The following EXOC4 variants were observed in gnomAD, a reference collection of about 807,000 sequenced individuals.
EXOC4 encodes exocyst complex component 4, also known as SEC8-like 1.
Under a neutral mutation model 107.2 loss-of-function variants are expected in EXOC4, and 71 were observed. That is an observed-to-expected ratio of 0.66 (90% confidence interval 0.55 to 0.81). The LOEUF is 0.81. Among genes scored for constraint, EXOC4 ranks in the 30% least tolerant of loss-of-function variants. EXOC4 has a pLI of 0.00. For missense variants in EXOC4, 1,108 were observed against 1,189.6 expected (o/e 0.93, Z 1.01); for synonymous variants, 456 against 441.2 (o/e 1.03, Z -0.42).
intron 7 of EXOC4, among the ~76,000 whole-genome samples, chr7:133,463,788 C>T (rs1394590546): frequency 2.0e-5 from 3 of 151,820 alleles, no homozygotes. Context: ...TATTGTAGCG[C>T]AAAGGGGAAG....
Position 133,305,772 on chromosome 7 carries a change from C to T in EXOC4, c.472-105C>T, listed in dbSNP as rs1037292505. 10 of 849,604 alleles carry T rather than the reference C, an allele frequency of 1.2e-5. No individual in the cohort carries two copies. The African/African-American group carries it at 2.0e-4, about 17-fold the overall frequency. The allele number at this position is 849,604 out of a possible 1,614,324, so 52.6% of individuals were successfully genotyped here. A position where few individuals can be genotyped will look rare whatever the true frequency, so the allele number is the denominator to read the frequency against. On this transcript the variant is annotated intron_variant, in intron 3 of 17. Coordinates refer to ENST00000253861, the MANE Select transcript of EXOC4 (RefSeq NM_021807.4). ...GTCTTTTATATGCTGATAAAGTTCT[C>T]GTAAGCTCCCTTTGTTAGTATCTTT...
At chr7:133,884,934 A>G (rs1190464026) in intron 11 of EXOC4, among the ~76,000 whole-genome samples, 3 of 152,162 alleles carry the variant, frequency 2.0e-5, no homozygotes, top group Non-Finnish European at 2.9e-5. Flanking sequence ...AAATAATACA[A>G]TCAGGTGAAG....
At chr7:133,851,637 A>G (rs1262409489) in intron 11 of EXOC4, among the ~76,000 whole-genome samples, 1 of 152,164 alleles carries the variant, frequency 6.6e-6, no homozygotes, top group Non-Finnish European at 1.5e-5. Context: ...TCTATGGTGA[A>G]CATGAGTCTT....
At chr7:133,592,603 C>G (rs536684419) in intron 9 of EXOC4, among the ~76,000 whole-genome samples, 1 of 151,860 alleles carries the variant, frequency 6.6e-6, no homozygotes, top group African/African-American at 2.4e-5. Context: ...CCACCATACC[C>G]GGCTATTTTT....
chr7:133,579,893 G>A (rs537489815), intron 9 of EXOC4, among the ~76,000 whole-genome samples: 2 of 111,468 alleles, frequency 1.8e-5, no homozygotes, highest in Admixed American at 9.0e-5. Flanking sequence ...TCACCATGTT[G>A]GCCAGGATGG....
chr7:133,664,098 A>G (rs1205277434), intron 10 of EXOC4, among the ~76,000 whole-genome samples: 6 of 151,972 alleles, frequency 3.9e-5, no homozygotes, highest in African/African-American at 1.5e-4. Context: ...CTCCCTTAAT[A>G]CCTTTACGGC....
At chr7:133,340,705 CTTGTTATTGGT>C (rs1412591074) in intron 5 of EXOC4, among the ~76,000 whole-genome samples, 2 of 151,876 alleles carry the variant, frequency 1.3e-5, no homozygotes, top group Admixed American at 6.6e-5. Flanking sequence ...AGTCTCACTG[CTTGTTATTGGT>C]TTGTTGTGAG....
chr7:133,869,557 G>T (rs1027245466), intron 11 of EXOC4, among the ~76,000 whole-genome samples: 13 of 152,148 alleles, frequency 8.5e-5, no homozygotes, highest in African/African-American at 1.4e-4. Context: ...TGCATTCCTT[G>T]TAGTAGGTGC....
At chr7:134,036,061 A>T (rs1456429499) in intron 17 of EXOC4, among the ~76,000 whole-genome samples, 1 of 152,212 alleles carries the variant, frequency 6.6e-6, no homozygotes, top group Non-Finnish European at 1.5e-5. Flanking sequence ...TCTCAGCATG[A>T]ACCTAAGACT....
In EXOC4 at chr7:133,921,879, T is replaced by C. The variant is rs559887186; in HGVS notation, c.2027+4141T>C. ...TCTTGGATTGTATGTTTTTTAACTA[T>C]CTCAGAGTTCTTAGATATTCTGTTG... On this transcript the variant is annotated intron_variant, in intron 13 of 17. Transcript: ENST00000253861. Among the ~76,000 whole-genome samples the C allele has an allele frequency of 2.0e-5, 3 of 152,314 alleles. No individual in the cohort carries two copies. In the East Asian group the frequency reaches 5.8e-4, roughly 29 times the overall value.
chr7:133,835,445 T>C (rs1797898859), intron 11 of EXOC4, among the ~76,000 whole-genome samples: 2 of 152,174 alleles, frequency 1.3e-5, no homozygotes, highest in African/African-American at 4.8e-5. Flanking sequence ...GGGCTTTGTG[T>C]TCATAGGTAG....
At chr7:133,537,612 C>G (rs1800298530) in intron 9 of EXOC4, among the ~76,000 whole-genome samples, 1 of 152,148 alleles carries the variant, frequency 6.6e-6, no homozygotes, top group African/African-American at 2.4e-5. Context: ...TTGTTTTCTC[C>G]TGAACTACCC....
chr7:133,930,664 T>C (rs1315573803), intron 13 of EXOC4: 1 of 152,082 alleles, frequency 6.6e-6, no homozygotes, highest in Non-Finnish European at 1.5e-5. Context: ...ACTCCCCGTG[T>C]ATCCCCTCCT....
chr7:134,037,630 C>A (rs1009106132), intron 17 of EXOC4, among the ~76,000 whole-genome samples: 1 of 152,206 alleles, frequency 6.6e-6, no homozygotes, highest in East Asian at 1.9e-4. Context: ...TAAACATGAA[C>A]GTGAACATTT....
Position 133,374,889 on chromosome 7 carries a change from T to A in EXOC4, c.1069T>A (p.Ser357Thr). Residue 357 changes from serine to threonine, a missense_variant, in exon 7 of 18, where the codon TCT (serine) becomes ACT (threonine). Ser to Thr is a moderately conservative substitution (Grantham distance 58). Transcript: ENST00000253861. Reference sequence around the variant, plus strand: ...GTTTAATGCTGTAGCCGCTGCACACTCTGTGGTCCTGGGATACCTGCAGGA... The same window carrying A: ...GTTTAATGCTGTAGCCGCTGCACACACTGTGGTCCTGGGATACCTGCAGGA... Reference protein sequence around the residue: ...DKFNAVAAAHSVVLGYLQDTV... With the variant: ...DKFNAVAAAHTVVLGYLQDTV... 1 of 1,614,056 alleles carries A rather than the reference T, an allele frequency of 6.2e-7. No individual in the cohort carries two copies. The highest frequency in any genetic ancestry group is 8.5e-7 in the Non-Finnish European group (1 of 1,179,940).
At chr7:133,308,595 A>C (rs534273325) in intron 4 of EXOC4, among the ~76,000 whole-genome samples, 1 of 152,256 alleles carries the variant, frequency 6.6e-6, no homozygotes, top group Non-Finnish European at 1.5e-5. Flanking sequence ...TGGCAGTGGG[A>C]GGGAACTCAG....
intron 17 of EXOC4, among the ~76,000 whole-genome samples, chr7:134,021,722 GAAA>G (rs60762484): frequency 1.3e-4 from 7 of 53,746 alleles, no homozygotes; most frequent in African/African-American, 5.0e-4. Context: ...AGTCAAACCA[GAAA>G]AAAAAAAAAA....
At chr7:134,052,256 T>C (rs1016429559) in intron 17 of EXOC4, among the ~76,000 whole-genome samples, 2 of 152,168 alleles carry the variant, frequency 1.3e-5, no homozygotes, top group African/African-American at 4.8e-5. Context: ...GGTTTGTTTC[T>C]TGATTTGTTT....
chr7:133,419,972 T>C (rs1030790744), intron 7 of EXOC4, among the ~76,000 whole-genome samples: 35 of 151,264 alleles, frequency 2.3e-4, no homozygotes, highest in African/African-American at 8.5e-4. Flanking sequence ...TTCTTTTTTT[T>C]TTTTTTTTTT....
Sources: gnomAD v4.1 joint callset for allele counts (sites outside exome capture counted in the v4.1 genomes callset) on GRCh38, gnomAD v4.1.1 for gene constraint, MANE v1.5 for transcripts, NCBI Gene and HGNC (gene_info 2026-07-23, HGNC 2026-07-21) for gene names.